The following GRID2 variants were observed in gnomAD, a reference collection of about 807,000 sequenced individuals.
GRID2 encodes glutamate receptor ionotropic, delta-2.
GRID2 carries 33 observed loss-of-function variants against 114.8 expected under a neutral mutation model. That is an observed-to-expected ratio of 0.29 (90% CI 0.22 to 0.38). The LOEUF is 0.38. Ranked by LOEUF, GRID2 falls within the 10% of genes least tolerant of loss-of-function variation. The probability of loss-of-function intolerance (pLI) is 1.00; values close to 1 mark genes in which losing one functional copy is unlikely to be tolerated. For missense variants in GRID2, 1,184 were observed against 1,257.7 expected, an observed-to-expected ratio of 0.94 and a Z score of 0.89; for synonymous variants, 505 against 449.9, an observed-to-expected ratio of 1.12 and a Z score of -1.55.
chr4:93,678,745 A>C (rs186058343), intron 14 of GRID2, among the ~76,000 whole-genome samples: 2,096 of 147,300 alleles, frequency 0.014, 101 homozygotes, highest in African/African-American at 0.048. Flanking sequence ...TTTGTCACCA[A>C]CAGGCCTGCC....
intron 2 of GRID2, among the ~76,000 whole-genome samples, chr4:92,924,427 C>T (rs1423525542): frequency 6.6e-6 from 1 of 151,888 alleles, no homozygotes; most frequent in Non-Finnish European, 1.5e-5. Flanking sequence ...TTATTCGGTC[C>T]TCTAAAGTGA....
intron 2 of GRID2, among the ~76,000 whole-genome samples, chr4:92,795,437 T>G (rs1368677736): frequency 2.6e-5 from 4 of 151,964 alleles, no homozygotes; most frequent in Admixed American, 1.3e-4. Flanking sequence ...CCCAGCCATG[T>G]GAAACTGTAA....
chr4:92,543,387 A>G (rs1319449480), intron 1 of GRID2, among the ~76,000 whole-genome samples: 1 of 152,196 alleles, frequency 6.6e-6, no homozygotes, highest in Non-Finnish European at 1.5e-5. Flanking sequence ...AATTTCAAAT[A>G]GTAAGTGCTA....
chr4:93,030,306 C>T (rs1470179811), intron 2 of GRID2, among the ~76,000 whole-genome samples: 1 of 151,928 alleles, frequency 6.6e-6, no homozygotes, highest in African/African-American at 2.4e-5. Flanking sequence ...TCTTTTCTAC[C>T]TACCAAATTT....
chr4:92,436,783 C>T (rs1176771757), intron 1 of GRID2, among the ~76,000 whole-genome samples: 1 of 152,038 alleles, frequency 6.6e-6, no homozygotes, highest in Non-Finnish European at 1.5e-5. Flanking sequence ...GGAAAACAAT[C>T]TCCTAAATGC....
At chr4:93,116,785 T>C (rs1455919459) in intron 4 of GRID2, among the ~76,000 whole-genome samples, 1 of 151,842 alleles carries the variant, frequency 6.6e-6, no homozygotes, top group Non-Finnish European at 1.5e-5. Flanking sequence ...AACATCTGTG[T>C]TAGATAAGCT....
chr4:92,995,987 T>C (rs937657968), intron 2 of GRID2, among the ~76,000 whole-genome samples: 6 of 152,028 alleles, frequency 3.9e-5, no homozygotes, highest in Non-Finnish European at 8.8e-5. Flanking sequence ...CATAGAGTTA[T>C]GTCATTAAAA....
At chr4:92,398,218 ATATACT>A (rs1159902336) in intron 1 of GRID2, among the ~76,000 whole-genome samples, 1 of 152,208 alleles carries the variant, frequency 6.6e-6, no homozygotes, top group Non-Finnish European at 1.5e-5. Context: ...TATCGTCAAG[ATATACT>A]TTAACAGGAA....
At chr4:92,693,068 G>C (rs1734254538) in intron 2 of GRID2, among the ~76,000 whole-genome samples, 2 of 150,790 alleles carry the variant, frequency 1.3e-5, no homozygotes, top group Non-Finnish European at 3.0e-5. Flanking sequence ...ATGTGGTGTA[G>C]AAATATATAC....
At chr4:93,237,486 CAACATCTTAGAGGTGATAATTAAA>C (rs1479797257) in intron 7 of GRID2, among the ~76,000 whole-genome samples, 2 of 151,802 alleles carry the variant, frequency 1.3e-5, no homozygotes, top group African/African-American at 4.8e-5. Context: ...ATTTAAATAT[CAACATCTTAGAGGTGATAATTAAA>C]ACAATTTACA....
chr4:93,269,115 G>T (rs543083527), intron 8 of GRID2, among the ~76,000 whole-genome samples: 16 of 152,182 alleles, frequency 1.1e-4, no homozygotes, highest in African/African-American at 3.9e-4. Flanking sequence ...TATTTCAGGA[G>T]AATTTTATTA....
intron 2 of GRID2, among the ~76,000 whole-genome samples, chr4:92,841,255 C>A (rs1350958645): frequency 6.6e-6 from 1 of 152,070 alleles, no homozygotes; most frequent in African/African-American, 2.4e-5. Flanking sequence ...CAGAAATGTA[C>A]TCACTTTTTT....
rs560421358 is a variant in GRID2, at chr4:92,920,529, T to C, written c.245-164466T>C. Among the ~76,000 whole-genome samples the C allele has an allele frequency of 3.3e-5, 5 of 152,304 alleles. No individual in the cohort carries two copies. The East Asian group carries it at 9.6e-4, about 29-fold the overall frequency. On this transcript the variant is annotated intron_variant, in intron 2 of 15. Coordinates refer to ENST00000282020, the MANE Select transcript of GRID2 (RefSeq NM_001510.4). The stretch of plus-strand genomic sequence containing the variant: ...TTTAGTGCTTCCTTCAGGAGCTCTT[T>C]TAGGGCAGGCCTGGTGTTGACAAAA...
intron 13 of GRID2, among the ~76,000 whole-genome samples, chr4:93,583,459 A>T (rs1560778348): frequency 1.3e-5 from 2 of 152,156 alleles, no homozygotes; most frequent in Non-Finnish European, 2.9e-5. Flanking sequence ...TCTCAATGCT[A>T]AATGATAATG....
chr4:93,307,619 A>G (rs927555711), intron 8 of GRID2, among the ~76,000 whole-genome samples: 4 of 152,170 alleles, frequency 2.6e-5, no homozygotes, highest in Admixed American at 2.0e-4. Flanking sequence ...AGAATGGAAA[A>G]TATTTTGCAA....
intron 1 of GRID2, among the ~76,000 whole-genome samples, chr4:92,557,819 GGCTACA>G (rs1344253886): frequency 6.6e-6 from 1 of 152,058 alleles, no homozygotes; most frequent in African/African-American, 2.4e-5. Context: ...AAAGGCTGAA[GGCTACA>G]CCTAAGTAGC....
At chr4:92,959,887 G>A (rs1305231973) in intron 2 of GRID2, among the ~76,000 whole-genome samples, 1 of 151,904 alleles carries the variant, frequency 6.6e-6, no homozygotes, top group African/African-American at 2.4e-5. Flanking sequence ...GATAGCATTA[G>A]GAGAAATACC....
intron 2 of GRID2, among the ~76,000 whole-genome samples, chr4:93,020,651 T>A (rs914275316): frequency 6.6e-6 from 1 of 152,206 alleles, no homozygotes; most frequent in Non-Finnish European, 1.5e-5. Flanking sequence ...GTCTTTCATA[T>A]TCTGGGGAAA....
intron 6 of GRID2, among the ~76,000 whole-genome samples, chr4:93,218,681 A>G (rs1744520649): frequency 6.6e-6 from 1 of 152,180 alleles, no homozygotes. Flanking sequence ...CTGAAGCCTT[A>G]ACAACATCTC....
Sources: gnomAD v4.1 joint callset for allele counts (sites outside exome capture counted in the v4.1 genomes callset) on GRCh38, gnomAD v4.1.1 for gene constraint, MANE v1.5 for transcripts, NCBI Gene and HGNC (gene_info 2026-07-23, HGNC 2026-07-21) for gene names.